Variants in IGF1R observed in about 807,000 individuals in gnomAD.
IGF1R encodes the protein insulin like growth factor 1 receptor, also known as insulin-like growth factor 1 receptor.
Under a neutral mutation model 144.6 loss-of-function variants are expected in IGF1R, and 44 were observed. The ratio of observed to expected loss-of-function variants is 0.30; its 90% CI spans 0.24 to 0.39. The LOEUF (loss-of-function observed/expected upper bound fraction) is 0.39. Ranked by LOEUF, IGF1R falls within the 10% of genes least tolerant of loss-of-function variation. The pLI, the probability that IGF1R is intolerant of heterozygous loss-of-function variation, is 1.00. For synonymous variants in IGF1R, 795 were observed against 722.8 expected (o/e 1.10, Z -1.60); for missense variants, 1,355 against 1,833.7 (o/e 0.74, Z 4.77).
chr15:98,957,565 C>A lies in IGF1R; in HGVS notation c.*123C>A. 8.1e-7 allele frequency: 1 copy of A among 1,236,694 alleles called. No individual in the cohort carries two copies. The highest frequency in any genetic ancestry group is 1.2e-6 in the Non-Finnish European group (1 of 860,296). The allele number at this position is 1,236,694 out of a possible 1,614,324, so 76.6% of individuals were successfully genotyped here. A position where few individuals can be genotyped will look rare whatever the true frequency, so the allele number is the denominator to read the frequency against. On this transcript the variant is annotated 3_prime_UTR_variant, in exon 21 of 21. Coordinates refer to ENST00000650285, the MANE Select transcript of IGF1R (RefSeq NM_000875.5). ...GTACCTCAGTGGATCTTCAGAACTG[C>A]CCTTGCTGCCCGCGGGAGACAGCTT... is the stretch of plus-strand genomic sequence containing the variant.
At chr15:98,677,581 G>A (rs1316133475) in intron 1 of IGF1R, among the ~76,000 whole-genome samples, 1 of 152,204 alleles carries the variant, frequency 6.6e-6, no homozygotes, top group African/African-American at 2.4e-5. Flanking sequence ...GTCTGTGGCT[G>A]CTGTGAGGTG....
intron 1 of IGF1R, among the ~76,000 whole-genome samples, chr15:98,677,338 G>A (rs921885072): frequency 1.3e-5 from 2 of 152,072 alleles, no homozygotes; most frequent in Non-Finnish European, 2.9e-5. Context: ...GCTCTTATTC[G>A]TTATAATAGT....
At chr15:98,878,693 A>AAAAAAAAAACAAAAAAAAC (rs1567174382) in intron 2 of IGF1R, among the ~76,000 whole-genome samples, 2 of 126,118 alleles carry the variant, frequency 1.6e-5, no homozygotes, top group African/African-American at 3.6e-5. Context: ...AAAAAAAAAA[A>AAAAAAAAAACAAAAAAAAC]AACAACAACA....
chr15:98,815,055 T>A lies in IGF1R; in HGVS notation c.641-76270T>A, dbSNP rs560863576. 6.6e-5 allele frequency among the ~76,000 whole-genome samples: 10 copies of A among 152,302 alleles called. No individual in the cohort carries two copies. The East Asian group carries it at 1.9e-3, about 29-fold the overall frequency. On this transcript the variant is annotated intron_variant, in intron 2 of 20. Coordinates refer to ENST00000650285, the MANE Select transcript of IGF1R (RefSeq NM_000875.5). ...AAATAATTAGTAGTACAAAAATTTA[T>A]GCGTTTGTTTTAGCTCTATTCTGAT...
intron 20 of IGF1R, among the ~76,000 whole-genome samples, chr15:98,955,979 AAG>A (rs1567222175): frequency 6.6e-6 from 1 of 152,244 alleles, no homozygotes; most frequent in African/African-American, 2.4e-5. Flanking sequence ...ACGCTCATGT[AAG>A]AGAGGGCTGT....
At chr15:98,737,059 C>T (rs1376917307) in intron 2 of IGF1R, among the ~76,000 whole-genome samples, 1 of 152,216 alleles carries the variant, frequency 6.6e-6, no homozygotes, top group East Asian at 1.9e-4. Context: ...GACCCAGTCC[C>T]TGAAGATAGT....
chr15:98,946,530 G>A (rs1042912173), intron 19 of IGF1R, among the ~76,000 whole-genome samples: 3 of 152,164 alleles, frequency 2.0e-5, no homozygotes, highest in East Asian at 1.9e-4. Context: ...TCTGAGGGAC[G>A]GAAGGAGGGT....
chr15:98,865,150 T>C (rs1268075844), intron 2 of IGF1R, among the ~76,000 whole-genome samples: 1 of 152,226 alleles, frequency 6.6e-6, no homozygotes, highest in Admixed American at 6.5e-5. Context: ...GTACTAAGTA[T>C]ATACTATATA....
intron 2 of IGF1R, among the ~76,000 whole-genome samples, chr15:98,887,319 G>GT (rs58958023): frequency 7.2e-4 from 108 of 149,068 alleles, no homozygotes; most frequent in South Asian, 1.5e-3. Context: ...TACTTTGTCA[G>GT]TTTTTTTTTT....
At chr15:98,822,544 A>G (rs1273697648) in intron 2 of IGF1R, among the ~76,000 whole-genome samples, 1 of 152,244 alleles carries the variant, frequency 6.6e-6, no homozygotes, top group Non-Finnish European at 1.5e-5. Flanking sequence ...GGTATAATTT[A>G]ATATAGTGAG....
intron 1 of IGF1R, chr15:98,650,871 G>A: frequency 1.0e-6 from 1 of 979,748 alleles, no homozygotes; most frequent in Non-Finnish European, 1.2e-6. Flanking sequence ...TTTTGTTTTG[G>A]TGGTGTCGGG....
intron 19 of IGF1R, among the ~76,000 whole-genome samples, chr15:98,944,846 C>T (rs1053479723): frequency 4.6e-5 from 7 of 152,230 alleles, no homozygotes; most frequent in African/African-American, 1.7e-4. Flanking sequence ...GACATCCTTG[C>T]TCTTAGCAAA....
chr15:98,843,659 A>G (rs980185342), intron 2 of IGF1R, among the ~76,000 whole-genome samples: 2 of 152,172 alleles, frequency 1.3e-5, no homozygotes, highest in Admixed American at 6.5e-5. Flanking sequence ...GCAACCCTGA[A>G]AGAAGAAAAA....
intron 2 of IGF1R, among the ~76,000 whole-genome samples, chr15:98,772,476 AATT>A (rs147636909): frequency 0.12 from 7,420 of 62,486 alleles, 246 homozygotes; most frequent in East Asian, 0.29. Context: ...GTCACTTAAA[AATT>A]ATTATTATTA....
chr15:98,854,302 C>A (rs761216468), intron 2 of IGF1R, among the ~76,000 whole-genome samples: 22 of 152,156 alleles, frequency 1.4e-4, no homozygotes, highest in Non-Finnish European at 2.9e-4. Flanking sequence ...CCTTACTCAT[C>A]TGGGCCAGGT....
At chr15:98,722,140 G>C (rs12101701) in intron 2 of IGF1R, among the ~76,000 whole-genome samples, 9,861 of 152,204 alleles carry the variant, frequency 0.065, 836 homozygotes, top group African/African-American at 0.19. Context: ...ATGCTAGGCA[G>C]TATGAGATGA....
chr15:98,841,613 G>C (rs1596349540), intron 2 of IGF1R, among the ~76,000 whole-genome samples: 1 of 152,164 alleles, frequency 6.6e-6, no homozygotes, highest in East Asian at 1.9e-4. Context: ...GGTACATCCT[G>C]ACTGGGTACT....
chr15:98,661,690 A>G (rs987864935), intron 1 of IGF1R, among the ~76,000 whole-genome samples: 1 of 152,086 alleles, frequency 6.6e-6, no homozygotes, highest in African/African-American at 2.4e-5. Context: ...CCACGCATGG[A>G]GGCATGTTGG....
chr15:98,805,681 C>A (rs1262663594), intron 2 of IGF1R, among the ~76,000 whole-genome samples: 1 of 152,158 alleles, frequency 6.6e-6, no homozygotes. Context: ...CTAATTAAAT[C>A]TTTAATCTTG....
Sources: allele counts gnomAD v4.1 joint callset (sites outside exome capture counted in the v4.1 genomes callset), GRCh38; gene constraint gnomAD v4.1.1; transcripts MANE v1.5; gene names NCBI Gene and HGNC (gene_info 2026-07-23, HGNC 2026-07-21).